Variants in SPAG16 observed in about 807,000 individuals in gnomAD.
SPAG16 encodes sperm associated antigen 16.
A neutral mutation model predicts 80.4 loss-of-function variants in SPAG16; 86 were observed. The observed-to-expected ratio is 1.07, with a 90% confidence interval of 0.90 to 1.28. The LOEUF (loss-of-function observed/expected upper bound fraction) is 1.28. Ranked by LOEUF, SPAG16 falls within the 50% of genes most tolerant of loss-of-function variation. SPAG16 has a pLI of 0.00. For missense variants in SPAG16, 870 were observed against 765.3 expected (o/e 1.14, Z -1.61); for synonymous variants, 294 against 265.9 (o/e 1.11, Z -1.03).
At chr2:213,353,004 G>T (rs1427905327) in intron 7 of SPAG16, among the ~76,000 whole-genome samples, 1 of 152,086 alleles carries the variant, frequency 6.6e-6, no homozygotes, top group Non-Finnish European at 1.5e-5. Flanking sequence ...CAAATGGCAT[G>T]CCCTTTTTAT....
chr2:214,379,164 C>G (rs1700305406), intron 15 of SPAG16, among the ~76,000 whole-genome samples: 1 of 152,206 alleles, frequency 6.6e-6, no homozygotes, highest in Admixed American at 6.5e-5. Context: ...TTACTGCATT[C>G]TTCTGTGATT....
chr2:213,511,153 G>C (rs1013686320), intron 10 of SPAG16, among the ~76,000 whole-genome samples: 2 of 124,752 alleles, frequency 1.6e-5, no homozygotes, highest in Non-Finnish European at 3.5e-5. Flanking sequence ...ACGCTATCCT[G>C]TTGGTATTCA....
At chr2:213,530,832 A>C (rs1378063903) in intron 10 of SPAG16, among the ~76,000 whole-genome samples, 1 of 151,732 alleles carries the variant, frequency 6.6e-6, no homozygotes, top group Non-Finnish European at 1.5e-5. Flanking sequence ...TATTTTATTC[A>C]TCTTTTCTGC....
intron 6 of SPAG16, among the ~76,000 whole-genome samples, chr2:213,345,883 T>C (rs2064953945): frequency 6.6e-6 from 1 of 152,214 alleles, no homozygotes; most frequent in Non-Finnish European, 1.5e-5. Flanking sequence ...TGGATCCATA[T>C]GAACTTTAAA....
At chr2:214,057,592 C>T (rs1362550349) in intron 13 of SPAG16, among the ~76,000 whole-genome samples, 36 of 152,106 alleles carry the variant, frequency 2.4e-4, no homozygotes, top group Admixed American at 2.4e-3. Context: ...TGAGCATTGG[C>T]TTCAACTTAA....
intron 10 of SPAG16, among the ~76,000 whole-genome samples, chr2:213,848,254 T>C (rs1323253785): frequency 6.6e-6 from 1 of 151,992 alleles, no homozygotes. Flanking sequence ...TAGATGGGAG[T>C]CAATAGATTA....
chr2:214,212,240 G>A (rs758906267), intron 15 of SPAG16, among the ~76,000 whole-genome samples: 7 of 151,906 alleles, frequency 4.6e-5, no homozygotes, highest in African/African-American at 9.7e-5. Flanking sequence ...GACATGGCAA[G>A]CTTTCCCTGA....
In SPAG16 at chr2:213,407,596, GGAGAGAGAGAGA is replaced by G. The variant is rs66674310; in HGVS notation, c.942+32510_942+32521del. Among the ~76,000 whole-genome samples the G allele has an allele frequency of 8.9e-3, 910 of 102,070 alleles. 17 individuals are homozygous for G. Among genetic ancestry groups the G allele is most frequent in the Admixed American group, 0.052 (519 of 10,002 alleles). The allele number at this position is 102,070 out of a possible 152,430, so 67.0% of individuals were successfully genotyped here. ...CCCTACCCTAGGAGAGAGAGAGACA[GGAGAGAGAGAGA>G]GAGAGAGAGAGAGAGAGAGAGAGAG... On this transcript the variant is annotated intron_variant, in intron 9 of 15. Transcript: ENST00000331683.
At chr2:213,379,798 T>C (rs1027608140) in intron 9 of SPAG16, among the ~76,000 whole-genome samples, 3 of 152,170 alleles carry the variant, frequency 2.0e-5, no homozygotes, top group African/African-American at 7.2e-5. Context: ...AGGTCAGCCA[T>C]GGTCAGTGGA....
In SPAG16 at chr2:213,948,415, A is replaced by G. The variant is rs190403553; in HGVS notation, c.1400+18270A>G. Among the ~76,000 whole-genome samples the G allele has an allele frequency of 2.3e-3, 344 of 152,072 alleles. 3 individuals are homozygous for G. Among genetic ancestry groups the G allele is most frequent in the Admixed American group, 0.022 (330 of 15,266 alleles). On this transcript the variant is annotated intron_variant, in intron 12 of 15. Coordinates refer to ENST00000331683, the MANE Select transcript of SPAG16 (RefSeq NM_024532.5). ...ATGAAGACCCCATTGATGCTACTCT[A>G]TTTGCTCGTATTTGGAATACGAAAT...
At chr2:213,532,043 C>A (rs190657448) in intron 10 of SPAG16, among the ~76,000 whole-genome samples, 55 of 152,214 alleles carry the variant, frequency 3.6e-4, no homozygotes, top group African/African-American at 1.3e-3. Flanking sequence ...TCAAGAAATT[C>A]TTTTATTCTA....
chr2:213,472,341 C>T (rs1158273176), intron 9 of SPAG16, among the ~76,000 whole-genome samples: 1 of 152,056 alleles, frequency 6.6e-6, no homozygotes, highest in African/African-American at 2.4e-5. Context: ...ACATGTGGTA[C>T]AGCAGCTGCA....
At chr2:214,096,982 T>C (rs1488280928) in intron 13 of SPAG16, among the ~76,000 whole-genome samples, 1 of 152,054 alleles carries the variant, frequency 6.6e-6, no homozygotes, top group Non-Finnish European at 1.5e-5. Flanking sequence ...TTCCAAAGAA[T>C]TTTTTCACAA....
chr2:213,718,925 G>C (rs1208448695), intron 10 of SPAG16, among the ~76,000 whole-genome samples: 2 of 152,232 alleles, frequency 1.3e-5, no homozygotes, highest in African/African-American at 4.8e-5. Flanking sequence ...CCCTGGTGCG[G>C]GATCCACTAG....
intron 10 of SPAG16, among the ~76,000 whole-genome samples, chr2:213,732,459 T>A (rs1574972508): frequency 6.6e-6 from 1 of 152,236 alleles, no homozygotes; most frequent in Admixed American, 6.5e-5. Context: ...AGCCCTGTTT[T>A]GGTTACTATA....
intron 9 of SPAG16, among the ~76,000 whole-genome samples, chr2:213,455,463 G>A (rs912167190): frequency 2.6e-5 from 4 of 152,146 alleles, no homozygotes; most frequent in Non-Finnish European, 5.9e-5. Flanking sequence ...AAATTCCAGA[G>A]ATTACCTCAA....
chr2:213,387,431 C>CTTTTTT (rs71060428), intron 9 of SPAG16, among the ~76,000 whole-genome samples: 1,908 of 47,700 alleles, frequency 0.04, 463 homozygotes, highest in East Asian at 0.07. Context: ...AATGCATGCT[C>CTTTTTT]TTTTTTTTTT....
rs193143747 is a variant in SPAG16, at chr2:213,891,131, A to C, written c.1214+28503A>C. Among the ~76,000 whole-genome samples, 30 of 152,210 alleles carry C rather than the reference A, an allele frequency of 2.0e-4. No homozygotes were observed. The East Asian group carries it at 4.8e-3, about 24-fold the overall frequency. ...AAACACAGAATATACATTAAAAAGC[A>C]TAATAACAATTTTACTATGGTTATT... On this transcript the variant is annotated intron_variant, in intron 11 of 15. Transcript: ENST00000331683.
intron 10 of SPAG16, among the ~76,000 whole-genome samples, chr2:213,607,662 C>T (rs2061309658): frequency 6.6e-6 from 1 of 152,158 alleles, no homozygotes. Context: ...GATTCAAAAC[C>T]CATACCTCTG....
Sources: allele counts gnomAD v4.1 joint callset (sites outside exome capture counted in the v4.1 genomes callset), GRCh38; gene constraint gnomAD v4.1.1; transcripts MANE v1.5; gene names NCBI Gene and HGNC (gene_info 2026-07-23, HGNC 2026-07-21).